SLC39A8: variants seen among roughly 807,000 people sequenced by gnomAD.
The protein encoded by SLC39A8 is metal cation symporter ZIP8.
SLC39A8 carries 15 observed loss-of-function variants against 40.4 expected under a neutral mutation model. The ratio of observed to expected loss-of-function variants is 0.37; its 90% confidence interval spans 0.25 to 0.57. The LOEUF (loss-of-function observed/expected upper bound fraction) is 0.57. Ranked by LOEUF, SLC39A8 falls within the 20% of genes least tolerant of loss-of-function variation. SLC39A8 has a pLI of 0.75. For synonymous variants in SLC39A8, 223 were observed against 221.6 expected, an observed-to-expected ratio of 1.01 and a Z score of -0.06; for missense variants, 472 against 558.8, an observed-to-expected ratio of 0.84 and a Z score of 1.57.
At chr4:102,252,485 A>G (rs1230312543) in exon 12 of SLC39A8, 2 of 152,358 alleles carry the variant, frequency 1.3e-5, no homozygotes, top group Non-Finnish European at 2.9e-5. Flanking sequence ...TTTAGATTGC[A>G]AAAAGGAACA....
At chr4:102,293,605 T>A (rs1470116) in intron 6 of SLC39A8, among the ~76,000 whole-genome samples, 65,304 of 151,654 alleles carry the variant, frequency 0.43, 14,143 homozygotes, top group Non-Finnish European at 0.44. Context: ...AGGAAAAAAG[T>A]TATCATTTGT....
At chr4:102,269,295 C>T (rs1732242671) in intron 6 of SLC39A8, among the ~76,000 whole-genome samples, 3 of 152,364 alleles carry the variant, frequency 2.0e-5, no homozygotes, top group African/African-American at 7.2e-5. Context: ...TCAGAATCAG[C>T]CTTAGATCCT....
chr4:102,324,190 A>T, intron 2 of SLC39A8: 2 of 236,640 alleles, frequency 8.5e-6, no homozygotes, highest in South Asian at 4.0e-5. Flanking sequence ...AGGTCAAGAG[A>T]TCAAGACCAT....
intron 2 of SLC39A8, among the ~76,000 whole-genome samples, chr4:102,323,664 A>G (rs1400544732): frequency 6.6e-6 from 1 of 152,256 alleles, no homozygotes; most frequent in African/African-American, 2.4e-5. Context: ...CCACTTAAAT[A>G]GATTTTAGGT....
intron 6 of SLC39A8, among the ~76,000 whole-genome samples, chr4:102,271,292 C>T (rs1267654354): frequency 6.6e-6 from 1 of 152,098 alleles, no homozygotes; most frequent in Non-Finnish European, 1.5e-5. Context: ...TTAATAAGTA[C>T]AGAATGTGAA....
At chr4:102,317,097 C>A (rs987052236) in intron 2 of SLC39A8, among the ~76,000 whole-genome samples, 3 of 152,058 alleles carry the variant, frequency 2.0e-5, no homozygotes, top group Admixed American at 6.6e-5. Flanking sequence ...GTTATGGCAG[C>A]CTGAGCTGAC....
At chr4:102,326,004 C>T (rs1735181446) in intron 2 of SLC39A8, among the ~76,000 whole-genome samples, 1 of 152,150 alleles carries the variant, frequency 6.6e-6, no homozygotes, top group Non-Finnish European at 1.5e-5. Context: ...CTTTTAGACT[C>T]CTAAAAGTGT....
chr4:102,268,982 C>G (rs1426552466), intron 6 of SLC39A8, among the ~76,000 whole-genome samples: 1 of 152,134 alleles, frequency 6.6e-6, no homozygotes, highest in Non-Finnish European at 1.5e-5. Flanking sequence ...ACATTTTATT[C>G]CTAATTCTCC....
chr4:102,300,970 T>C (rs1168278064), intron 6 of SLC39A8, among the ~76,000 whole-genome samples: 2 of 151,974 alleles, frequency 1.3e-5, no homozygotes, highest in African/African-American at 2.4e-5. Context: ...TAAATGTCTA[T>C]TTATTTGAGA....
At chr4:102,321,332 T>C (rs1734957603) in intron 2 of SLC39A8, among the ~76,000 whole-genome samples, 1 of 152,060 alleles carries the variant, frequency 6.6e-6, no homozygotes, top group African/African-American at 2.4e-5. Context: ...AGGAGGCAGA[T>C]AAAAGGGAGG....
At position 102,320,765 on chromosome 4, in the gene SLC39A8, T is replaced by C. The variant is rs543861982; in HGVS notation, c.220-4935A>G. 1.6e-4 allele frequency among the ~76,000 whole-genome samples: 22 copies of C among 140,284 alleles called. No homozygotes were observed. The South Asian group carries it at 5.0e-3, about 32-fold the overall frequency. 92.0% of individuals were successfully genotyped at this position (140,284 alleles called of 152,430 possible). On this transcript the variant is annotated intron_variant, in intron 2 of 8. Transcript: ENST00000356736. ...GAATATATATATGAGAGTATATATA[T>C]ATGAGAATATATATATGAGAAAAAA...
rs1733803085 is a variant in SLC39A8 at position 102,299,182 on chromosome 4, C to T, written c.840+5135G>A. On this transcript the variant is annotated intron_variant, in intron 6 of 8. Coordinates refer to ENST00000356736, the MANE Select transcript of SLC39A8 (RefSeq NM_001135146.2). ...AAGTGATAGCCAGTAATATTCTACC[C>T]TTCTTCCCACCGCCAGGCAAGAATG... 2.0e-5 allele frequency among the ~76,000 whole-genome samples: 3 copies of T among 151,996 alleles called. No homozygotes were observed. The South Asian group carries it at 6.2e-4, about 32-fold the overall frequency.
intron 3 of SLC39A8, among the ~76,000 whole-genome samples, chr4:102,308,992 T>G (rs555018597): frequency 6.6e-6 from 1 of 152,234 alleles, no homozygotes; most frequent in South Asian, 2.1e-4. Context: ...AGGCCCACAT[T>G]TTTTAGCATA....
At chr4:102,259,399 T>C, downstream of SLC39A8, 1 of 1,227,026 alleles carries the variant, frequency 8.1e-7, no homozygotes, top group Non-Finnish European at 1.2e-6. Context: ...TAAGCCATTG[T>C]ATAAACTTTA....
intron 6 of SLC39A8, among the ~76,000 whole-genome samples, chr4:102,297,909 C>T (rs566919020): frequency 6.6e-6 from 1 of 151,844 alleles, no homozygotes; most frequent in African/African-American, 2.4e-5. Flanking sequence ...TGGAGTGAGA[C>T]CCTGTCCTAA....
intron 11 of SLC39A8, among the ~76,000 whole-genome samples, chr4:102,255,002 A>G (rs1254729254): frequency 2.0e-5 from 3 of 152,218 alleles, no homozygotes; most frequent in Non-Finnish European, 4.4e-5. Context: ...AAATATGTAC[A>G]ATGTTTCTAT....
intron 2 of SLC39A8, among the ~76,000 whole-genome samples, chr4:102,317,891 G>C (rs1734731325): frequency 6.6e-6 from 1 of 152,162 alleles, no homozygotes; most frequent in African/African-American, 2.4e-5. Context: ...ACCCATTCCT[G>C]AATCAGGACG....
At chr4:102,281,291 T>A (rs957345595) in intron 6 of SLC39A8, among the ~76,000 whole-genome samples, 1 of 152,202 alleles carries the variant, frequency 6.6e-6, no homozygotes, top group Non-Finnish European at 1.5e-5. Context: ...TATAGGAATA[T>A]CTACACTGAT....
chr4:102,330,873 T>G (rs1395474566), intron 2 of SLC39A8, among the ~76,000 whole-genome samples: 1 of 152,136 alleles, frequency 6.6e-6, no homozygotes, highest in South Asian at 2.1e-4. Context: ...GTTCAACATA[T>G]GCAAATCAAT....
Sources: gnomAD v4.1 joint callset for allele counts (sites outside exome capture counted in the v4.1 genomes callset) on GRCh38, gnomAD v4.1.1 for gene constraint, MANE v1.5 for transcripts, NCBI Gene and HGNC (gene_info 2026-07-23, HGNC 2026-07-21) for gene names.